The following SOX6 variants were observed in gnomAD, a reference collection of about 807,000 sequenced individuals.
SOX6 encodes SRY-box transcription factor 6.
SOX6 carries 11 observed loss-of-function variants against 97.8 expected under a neutral mutation model. The observed-to-expected ratio is 0.11, with a 90% CI of 0.07 to 0.19. The LOEUF is 0.19. Among genes scored for constraint, SOX6 ranks in the 10% least tolerant of loss-of-function variants. The pLI is 1.00. For synonymous variants in SOX6, 360 were observed against 371.4 expected (o/e 0.97, Z 0.35); for missense variants, 810 against 1,039.5 (o/e 0.78, Z 3.04).
At chr11:16,385,680 C>G (rs568306055) in intron 1 of SOX6, among the ~76,000 whole-genome samples, 1 of 152,030 alleles carries the variant, frequency 6.6e-6, no homozygotes, top group South Asian at 2.1e-4. Context: ...TCACAAGAGA[C>G]GCTAAGCTTT....
At chr11:16,672,191 AAC>A (rs1399145004) in intron 3 of SOX6, among the ~76,000 whole-genome samples, 1 of 152,202 alleles carries the variant, frequency 6.6e-6, no homozygotes, top group Non-Finnish European at 1.5e-5. Flanking sequence ...CTAATACAAA[AAC>A]ACACTTAAAT....
chr11:16,049,228 G>T (rs1264343009), intron 11 of SOX6, among the ~76,000 whole-genome samples: 1 of 152,070 alleles, frequency 6.6e-6, no homozygotes, highest in Non-Finnish European at 1.5e-5. Context: ...TATTCCTAGA[G>T]ATACTTGGCC....
chr11:16,044,877 T>G (rs1855778641), intron 12 of SOX6, among the ~76,000 whole-genome samples: 1 of 152,136 alleles, frequency 6.6e-6, no homozygotes, highest in Non-Finnish European at 1.5e-5. Context: ...TGAAACAATT[T>G]TGCAGCTTAC....
At chr11:16,138,310 C>T (rs1850028223) in intron 6 of SOX6, among the ~76,000 whole-genome samples, 1 of 152,072 alleles carries the variant, frequency 6.6e-6, no homozygotes, top group Non-Finnish European at 1.5e-5. Flanking sequence ...TAAACAGTGC[C>T]TCATAAAGGT....
At chr11:16,373,513 A>T (rs186164710) in intron 1 of SOX6, among the ~76,000 whole-genome samples, 56 of 152,194 alleles carry the variant, frequency 3.7e-4, no homozygotes, top group Middle Eastern at 3.4e-3. Context: ...TATCATCTGT[A>T]ACATCTTCCC....
In SOX6 at chr11:16,096,014, G is replaced by C. The variant is rs746904214; in HGVS notation, c.1083C>G (p.Tyr361Ter). The C allele has an allele frequency of 4.3e-6, 7 of 1,609,766 alleles. No homozygotes were observed. Among genetic ancestry groups the C allele is most frequent in the Non-Finnish European group, 5.9e-6 (7 of 1,177,594 alleles). The change falls in exon 9 of 16, where the codon TAC becomes TAG. Residue 361 changes from tyrosine to a stop codon, truncating the protein, a stop_gained. Coordinates refer to ENST00000683767, the MANE Select transcript of SOX6 (RefSeq NM_001367873.1). LOFTEE classifies it high-confidence loss of function. ...TTCATACCTCAATCTGTTTGTGGTTGTAAGAGTGGCCACCACCATGTTCAA... is the reference window on the plus strand; with the variant it reads ...TTCATACCTCAATCTGTTTGTGGTTCTAAGAGTGGCCACCACCATGTTCAA... ...DTFEHGGGHS[Y>*]NHKQIEQLYA...
At chr11:16,548,339 T>C (rs1397958035) in intron 4 of SOX6, among the ~76,000 whole-genome samples, 1 of 152,144 alleles carries the variant, frequency 6.6e-6, no homozygotes, top group East Asian at 1.9e-4. Flanking sequence ...TGAAGAGTGT[T>C]AGAAATGGTA....
intron 1 of SOX6, among the ~76,000 whole-genome samples, chr11:16,355,259 AG>A (rs1235939938): frequency 6.6e-6 from 1 of 152,062 alleles, no homozygotes; most frequent in Non-Finnish European, 1.5e-5. Context: ...AAGCTGGATA[AG>A]GAAAGAAACA....
chr11:16,131,496 G>T (rs1346564818), intron 6 of SOX6, among the ~76,000 whole-genome samples: 2 of 152,016 alleles, frequency 1.3e-5, no homozygotes, highest in East Asian at 3.9e-4. Flanking sequence ...TTCATACATT[G>T]CTGGTTGGAA....
intron 3 of SOX6, among the ~76,000 whole-genome samples, chr11:16,283,242 T>C (rs1477174914): frequency 2.0e-5 from 3 of 150,006 alleles, no homozygotes; most frequent in Non-Finnish European, 4.5e-5. Context: ...ATAGTATTCA[T>C]GCAAGAAACA....
chr11:16,638,335 T>G (rs991402623), intron 3 of SOX6, among the ~76,000 whole-genome samples: 5 of 152,146 alleles, frequency 3.3e-5, no homozygotes, highest in African/African-American at 1.2e-4. Context: ...TTCCAATTCT[T>G]TGCTACTGTG....
At chr11:16,003,668 G>T (rs1854470324) in intron 13 of SOX6, among the ~76,000 whole-genome samples, 1 of 152,060 alleles carries the variant, frequency 6.6e-6, no homozygotes, top group African/African-American at 2.4e-5. Context: ...ATTTTAGAGT[G>T]AGTCTCTAAT....
chr11:16,346,455 G>A (rs1189720138), intron 1 of SOX6, among the ~76,000 whole-genome samples: 1 of 151,948 alleles, frequency 6.6e-6, no homozygotes, highest in Non-Finnish European at 1.5e-5. Context: ...TTAAAATGAA[G>A]ACATTCCTTT....
intron 3 of SOX6, among the ~76,000 whole-genome samples, chr11:16,706,347 C>A (rs1415499452): frequency 4.1e-5 from 6 of 145,386 alleles, no homozygotes; most frequent in African/African-American, 1.5e-4. Flanking sequence ...ACTCAGGAGG[C>A]TGAGGCTGGA....
chr11:16,364,588 G>A (rs1472725931), intron 1 of SOX6, among the ~76,000 whole-genome samples: 1 of 152,024 alleles, frequency 6.6e-6, no homozygotes, highest in African/African-American at 2.4e-5. Context: ...TGTAAAATAT[G>A]GATAATAATA....
chr11:16,067,232 T>C (rs1429578808), intron 9 of SOX6, among the ~76,000 whole-genome samples: 1 of 152,086 alleles, frequency 6.6e-6, no homozygotes, highest in Non-Finnish European at 1.5e-5. Context: ...AGACATGAGA[T>C]TTGGGAGGAG....
chr11:16,280,026 A>C (rs1590087514), intron 3 of SOX6, among the ~76,000 whole-genome samples: 2 of 152,266 alleles, frequency 1.3e-5, no homozygotes, highest in South Asian at 4.1e-4. Flanking sequence ...AAGTTTTTCA[A>C]TGGTAAGCAA....
At chr11:16,092,869 C>A (rs1848721436) in intron 9 of SOX6, among the ~76,000 whole-genome samples, 1 of 151,490 alleles carries the variant, frequency 6.6e-6, no homozygotes, top group Non-Finnish European at 1.5e-5. Context: ...AAAAAGTCAT[C>A]CAGAGCTTAG....
chr11:16,564,774 T>C (rs1847851380), intron 4 of SOX6, among the ~76,000 whole-genome samples: 1 of 151,596 alleles, frequency 6.6e-6, no homozygotes, highest in Non-Finnish European at 1.5e-5. Flanking sequence ...TAAGTGAAAA[T>C]GAAAATATAT....
Sources: gnomAD v4.1 joint callset for allele counts (sites outside exome capture counted in the v4.1 genomes callset) on GRCh38, gnomAD v4.1.1 for gene constraint, MANE v1.5 for transcripts, NCBI Gene and HGNC (gene_info 2026-07-23, HGNC 2026-07-21) for gene names.